TULP4: variants seen among roughly 807,000 people sequenced by gnomAD.
The protein encoded by TULP4 is TUB like protein 4.
A neutral mutation model predicts 129.0 loss-of-function variants in TULP4; 16 were observed. The ratio of observed to expected loss-of-function variants is 0.12; its 90% confidence interval spans 0.08 to 0.19. The LOEUF (loss-of-function observed/expected upper bound fraction) is 0.19. TULP4 is among the 10% of genes least tolerant of loss of function. The pLI is 1.00. For missense variants in TULP4, 1,842 were observed against 2,059.1 expected (o/e 0.89, Z 2.04); for synonymous variants, 998 against 854.0 (o/e 1.17, Z -2.94).
At chr6:158,232,962 G>C (rs1454990430) in intron 1 of TULP4, among the ~76,000 whole-genome samples, 2 of 152,250 alleles carry the variant, frequency 1.3e-5, no homozygotes, top group Non-Finnish European at 2.9e-5. Context: ...CGGAGATTCT[G>C]TTCCGAGCAC....
At chr6:158,440,303 G>GT (rs1309134661) in intron 3 of TULP4, among the ~76,000 whole-genome samples, 6 of 124,848 alleles carry the variant, frequency 4.8e-5, no homozygotes, top group Admixed American at 8.8e-5. Flanking sequence ...GGATGACAGA[G>GT]TGAGTCCCTG....
rs1288709658 is a variant in TULP4 at position 158,240,514 on chromosome 6, C to T, written n.68+8211C>T. ...CTCCCGGACAGGGCGGCTGGCCGGG[C>T]GGGGGGCTGACCCCCCCACCTCCCT... is the stretch of plus-strand genomic sequence containing the variant. On this transcript the variant is annotated intron_variant and non_coding_transcript_variant, in intron 1 of 1. Transcript: ENST00000620026. Among the ~76,000 whole-genome samples, 36 of 83,856 alleles carry T rather than the reference C, an allele frequency of 4.3e-4. 9 individuals are homozygous for T. Among genetic ancestry groups the T allele is most frequent in the Middle Eastern group, 8.2e-3 (1 of 122 alleles). 55.0% of individuals were successfully genotyped at this position (83,856 alleles called of 152,430 possible).
At chr6:158,315,001 T>C (rs1319008239) in intron 1 of TULP4, among the ~76,000 whole-genome samples, 1 of 152,246 alleles carries the variant, frequency 6.6e-6, no homozygotes, top group African/African-American at 2.4e-5. Context: ...TGCAAAGTTT[T>C]GCTTGTATGG....
intron 1 of TULP4, among the ~76,000 whole-genome samples, chr6:158,380,193 A>G (rs930602336): frequency 2.6e-5 from 4 of 152,176 alleles, no homozygotes; most frequent in African/African-American, 9.7e-5. Flanking sequence ...TTAATATTTT[A>G]TACATTAAAA....
chr6:158,413,221 G>T lies in TULP4; in HGVS notation c.381+28G>T. 2 of 1,599,126 alleles carry T rather than the reference G, an allele frequency of 1.3e-6. No homozygotes were observed. Among genetic ancestry groups the T allele is most frequent in the Non-Finnish European group, 1.7e-6 (2 of 1,169,668 alleles). On this transcript the variant is annotated intron_variant, in intron 2 of 13. Coordinates refer to ENST00000367097, the MANE Select transcript of TULP4 (RefSeq NM_020245.5). The surrounding 1 kb of genome is among the most constrained non-coding windows in gnomAD (Gnocchi z 4.9). ...GAGTGGCAGGCGCAGCTCTGCCAGT[G>T]AAGGGCTGCGGGGTAGAGGACTCCC...
chr6:158,428,936 A>G (rs1036577292), intron 2 of TULP4, among the ~76,000 whole-genome samples: 1 of 152,238 alleles, frequency 6.6e-6, no homozygotes, highest in African/African-American at 2.4e-5. Flanking sequence ...AACATACAGA[A>G]CACTGGTGAT....
intron 1 of TULP4, among the ~76,000 whole-genome samples, chr6:158,409,000 T>C (rs1008246501): frequency 2.0e-5 from 3 of 152,202 alleles, no homozygotes; most frequent in Non-Finnish European, 4.4e-5. Flanking sequence ...GAGAAATCCT[T>C]CTGAATAGTG....
At chr6:158,381,524 A>C (rs1367446468) in intron 1 of TULP4, among the ~76,000 whole-genome samples, 1 of 152,200 alleles carries the variant, frequency 6.6e-6, no homozygotes, top group Non-Finnish European at 1.5e-5. Flanking sequence ...GTTTTCAGAG[A>C]TGTTTAGATT....
chr6:158,377,464 G>A (rs1420247047), intron 1 of TULP4, among the ~76,000 whole-genome samples: 1 of 152,238 alleles, frequency 6.6e-6, no homozygotes, highest in African/African-American at 2.4e-5. Context: ...TAAGTTTAAA[G>A]GTAATCCATT....
rs1780800194 is a variant in TULP4, at chr6:158,361,952, A to C, written c.252+47684A>C. On this transcript the variant is annotated intron_variant, in intron 1 of 13. Coordinates refer to ENST00000367097, the MANE Select transcript of TULP4 (RefSeq NM_020245.5). ...GAGCATTTTCTGATCATCAGCATAA[A>C]ATTTTAGGTGCCTTATTCATTTTGC... Among the ~76,000 whole-genome samples, 4 of 152,180 alleles carry C rather than the reference A, an allele frequency of 2.6e-5. No homozygotes were observed. In the South Asian group the frequency reaches 8.3e-4, roughly 32 times the overall value.
chr6:158,432,406 T>C (rs990385367), intron 3 of TULP4, among the ~76,000 whole-genome samples: 3 of 152,132 alleles, frequency 2.0e-5, no homozygotes, highest in Admixed American at 6.5e-5. Flanking sequence ...GACATGAAGG[T>C]AGAGCTGCAG....
chr6:158,397,521 AT>A lies in TULP4; in HGVS notation c.253-15532del, dbSNP rs990138409. ...CTTAAAACATTGAGTTTTTTTTGCA[AT>A]TTTTTTTTTTTAGGTCATCAGCTAT... is the stretch of plus-strand genomic sequence containing the variant. On this transcript the variant is annotated intron_variant, in intron 1 of 13. Transcript: ENST00000367097. Among the ~76,000 whole-genome samples, 226 of 144,020 alleles carry A rather than the reference AT, an allele frequency of 1.6e-3. 2 individuals carry two copies. The highest frequency in any genetic ancestry group is 4.0e-3 in the African/African-American group (156 of 39,454). 94.5% of individuals were successfully genotyped at this position (144,020 alleles called of 152,430 possible).
intron 1 of TULP4, among the ~76,000 whole-genome samples, chr6:158,241,076 G>T (rs541216482): frequency 1.9e-4 from 27 of 138,834 alleles, no homozygotes; most frequent in Admixed American, 8.9e-4. Flanking sequence ...ACGGGGTCTC[G>T]GCCGGGCAGA....
intron 6 of TULP4, 75 bp from the exon 7 acceptor site, chr6:158,479,676 C>CT: frequency 7.9e-6 from 11 of 1,394,418 alleles, no homozygotes; most frequent in Non-Finnish European, 1.0e-5. Context: ...TTGCTCGAGA[C>CT]AAGTGTGCAT....
upstream of TULP4, among the ~76,000 whole-genome samples, chr6:158,311,086 G>A (rs1324302672): frequency 6.6e-6 from 1 of 152,070 alleles, no homozygotes; most frequent in Non-Finnish European, 1.5e-5. Context: ...ATGTGAACAC[G>A]GAAGAAGGCA....
At chr6:158,309,794 C>G (rs1779305731), upstream of TULP4, among the ~76,000 whole-genome samples, 1 of 151,826 alleles carries the variant, frequency 6.6e-6, no homozygotes, top group South Asian at 2.1e-4. Context: ...CAGGCCGAGG[C>G]AGGAGAATCA....
chr6:158,340,738 C>T (rs1780161674), intron 1 of TULP4, among the ~76,000 whole-genome samples: 1 of 152,178 alleles, frequency 6.6e-6, no homozygotes, highest in South Asian at 2.1e-4. Context: ...GAGTCCTTCG[C>T]AGGCCCTCAT....
intron 1 of TULP4, among the ~76,000 whole-genome samples, chr6:158,298,503 C>T (rs796512862): frequency 2.6e-5 from 4 of 151,060 alleles, no homozygotes; most frequent in South Asian, 2.1e-4. Context: ...TGTGCCATGG[C>T]GATGAAGGCT....
chr6:158,439,170 C>CAAA lies in TULP4; in HGVS notation c.543+9281_543+9283dup, dbSNP rs10679091. Among the ~76,000 whole-genome samples, 19 of 148,272 alleles carry CAAA rather than the reference C, an allele frequency of 1.3e-4. No individual in the cohort carries two copies. In the Middle Eastern group the frequency reaches 0.01, roughly 80 times the overall value. On this transcript the variant is annotated intron_variant, in intron 3 of 13. Transcript: ENST00000367097. ...TGGGTGACAGAGCAAGACTCCGTCT[C>CAAA]AAAAAAAAAATAATAATAATTTACC...
Sources: allele counts gnomAD v4.1 joint callset (sites outside exome capture counted in the v4.1 genomes callset), GRCh38; gene constraint gnomAD v4.1.1; non-coding constraint Gnocchi (gnomAD v3.1); transcripts MANE v1.5; gene names NCBI Gene and HGNC (gene_info 2026-07-23, HGNC 2026-07-21).